The following RSRC1 variants were observed in gnomAD, a reference collection of about 807,000 sequenced individuals.
RSRC1 encodes the protein arginine and serine rich coiled-coil 1.
RSRC1 carries 39 observed loss-of-function variants against 49.1 expected under a neutral mutation model. That is an observed-to-expected ratio of 0.79 (90% confidence interval 0.61 to 1.04). The LOEUF (loss-of-function observed/expected upper bound fraction) is 1.04. Ranked by LOEUF, RSRC1 falls within the 50% of genes least tolerant of loss-of-function variation. The pLI is 0.00. For synonymous variants in RSRC1, 143 were observed against 130.8 expected (o/e 1.09, Z -0.63); for missense variants, 388 against 402.4 (o/e 0.96, Z 0.31).
At chr3:158,213,493 C>T (rs1350988623) in intron 4 of RSRC1, among the ~76,000 whole-genome samples, 7 of 114,064 alleles carry the variant, frequency 6.1e-5, no homozygotes, top group African/African-American at 1.8e-4. Context: ...GAGAATGAAC[C>T]TTGTGGGTAT....
intron 4 of RSRC1, among the ~76,000 whole-genome samples, chr3:158,211,459 G>A (rs1027872077): frequency 2.6e-5 from 4 of 151,866 alleles, no homozygotes; most frequent in East Asian, 1.9e-4. Flanking sequence ...CATGAATAAC[G>A]TAATAGATTC....
At chr3:158,469,993 C>T (rs147941182) in intron 7 of RSRC1, among the ~76,000 whole-genome samples, 3 of 152,016 alleles carry the variant, frequency 2.0e-5, no homozygotes, top group Admixed American at 6.6e-5. Context: ...CCAGTTTGAG[C>T]GTGTGAATAT....
At chr3:158,476,161 TC>T (rs1738359437) in intron 7 of RSRC1, among the ~76,000 whole-genome samples, 1 of 152,106 alleles carries the variant, frequency 6.6e-6, no homozygotes, top group African/African-American at 2.4e-5. Context: ...TCCCTTCAAT[TC>T]TATGAAGCTG....
At chr3:158,219,846 A>T (rs991293132) in intron 4 of RSRC1, among the ~76,000 whole-genome samples, 1 of 151,668 alleles carries the variant, frequency 6.6e-6, no homozygotes, top group Non-Finnish European at 1.5e-5. Flanking sequence ...ATACTGAATG[A>T]TAATGTGGAG....
At chr3:158,518,423 A>G (rs11718554) in intron 7 of RSRC1, among the ~76,000 whole-genome samples, 42,929 of 149,894 alleles carry the variant, frequency 0.29, 6,651 homozygotes, top group South Asian at 0.41. Flanking sequence ...TTAAAGGACT[A>G]CTATAACTCT....
chr3:158,286,660 A>G (rs1726582570), intron 4 of RSRC1, among the ~76,000 whole-genome samples: 2 of 152,224 alleles, frequency 1.3e-5, no homozygotes, highest in African/African-American at 4.8e-5. Context: ...GCACTATTAG[A>G]TGCTTACCTG....
intron 6 of RSRC1, among the ~76,000 whole-genome samples, chr3:158,457,673 T>A (rs1358978648): frequency 6.6e-6 from 1 of 151,984 alleles, no homozygotes; most frequent in East Asian, 1.9e-4. Context: ...AGGAGAGCAT[T>A]TCCAGAAAGA....
intron 4 of RSRC1, among the ~76,000 whole-genome samples, chr3:158,207,662 T>TAGATAGAC (rs55689613): frequency 1.2e-3 from 185 of 149,054 alleles, no homozygotes; most frequent in South Asian, 6.1e-3. Context: ...GATAGATAGA[T>TAGATAGAC]AGACAGAGAG....
chr3:158,147,746 A>G (rs1178992915), intron 3 of RSRC1, among the ~76,000 whole-genome samples: 1 of 152,182 alleles, frequency 6.6e-6, no homozygotes, highest in African/African-American at 2.4e-5. Context: ...CAAATTCAAA[A>G]GTGTACGTTT....
intron 4 of RSRC1, among the ~76,000 whole-genome samples, chr3:158,288,340 T>G (rs1559978131): frequency 6.6e-6 from 1 of 152,196 alleles, no homozygotes; most frequent in Non-Finnish European, 1.5e-5. Flanking sequence ...TTTATGAACT[T>G]TCCTTGAACA....
intron 3 of RSRC1, among the ~76,000 whole-genome samples, chr3:158,167,466 C>A (rs1718604200): frequency 6.6e-6 from 1 of 152,186 alleles, no homozygotes; most frequent in African/African-American, 2.4e-5. Context: ...GCTGGGATTA[C>A]AGGCGTGAAC....
At chr3:158,477,822 A>ATATATATATATATATC (rs1411204915) in intron 7 of RSRC1, among the ~76,000 whole-genome samples, 2 of 134,588 alleles carry the variant, frequency 1.5e-5, no homozygotes, top group African/African-American at 5.4e-5. Context: ...ATATATATAT[A>ATATATATATATATATC]TATATGAAAG....
intron 4 of RSRC1, among the ~76,000 whole-genome samples, chr3:158,231,042 G>C (rs1336553843): frequency 6.7e-6 from 1 of 149,194 alleles, no homozygotes; most frequent in Admixed American, 6.7e-5. Flanking sequence ...CTATTCTCGT[G>C]TTTAGCACAC....
At chr3:158,137,642 A>ACTTTTT (rs1378912901) in intron 3 of RSRC1, among the ~76,000 whole-genome samples, 2 of 141,054 alleles carry the variant, frequency 1.4e-5, no homozygotes, top group African/African-American at 5.2e-5. Context: ...AAAATAGGTG[A>ACTTTTT]CTTTTTCTTT....
intron 6 of RSRC1, among the ~76,000 whole-genome samples, chr3:158,365,380 T>G (rs187290984): frequency 2.0e-5 from 3 of 152,016 alleles, no homozygotes; most frequent in East Asian, 3.9e-4. Flanking sequence ...CTCCCACTTA[T>G]GAGTGAGAAC....
intron 3 of RSRC1, among the ~76,000 whole-genome samples, chr3:158,175,780 T>C (rs1227038213): frequency 6.6e-6 from 1 of 152,230 alleles, no homozygotes; most frequent in African/African-American, 2.4e-5. Context: ...TTTTACATAG[T>C]GCCATATTTT....
At chr3:158,236,918 G>C (rs1055757585) in intron 4 of RSRC1, among the ~76,000 whole-genome samples, 1 of 152,154 alleles carries the variant, frequency 6.6e-6, no homozygotes, top group Non-Finnish European at 1.5e-5. Flanking sequence ...TCTCTGATTG[G>C]TGAATGATGG....
intron 1 of RSRC1, 39 bp from the exon 2 acceptor site, chr3:158,122,064 C>G (rs758272664): frequency 8.1e-7 from 1 of 1,231,924 alleles, no homozygotes; most frequent in Non-Finnish European, 1.1e-6. Flanking sequence ...CATTGTGCCA[C>G]CATGTTAGAA....
intron 4 of RSRC1, 117 bp downstream of exon 4, chr3:158,203,362 A>C: frequency 9.5e-7 from 1 of 1,047,210 alleles, no homozygotes; most frequent in Middle Eastern, 3.1e-4. Context: ...AGTAGAAGAA[A>C]ATGGAATAAA....
Sources: gnomAD v4.1 joint callset for allele counts (sites outside exome capture counted in the v4.1 genomes callset) on GRCh38, gnomAD v4.1.1 for gene constraint, MANE v1.5 for transcripts, NCBI Gene and HGNC (gene_info 2026-07-23, HGNC 2026-07-21) for gene names.